Variants in SAP130 observed in about 807,000 individuals in gnomAD.
The protein encoded by SAP130 is Sin3A associated protein 130.
Under a neutral mutation model 103.2 loss-of-function variants are expected in SAP130, and 16 were observed. The ratio of observed to expected loss-of-function variants is 0.16; its 90% CI spans 0.10 to 0.24. SAP130 has a LOEUF of 0.24. Among genes scored for constraint, SAP130 ranks in the 10% least tolerant of loss-of-function variants. SAP130 has a pLI of 1.00. For synonymous variants in SAP130, 477 were observed against 497.0 expected (o/e 0.96, Z 0.53); for missense variants, 990 against 1,359.7 (o/e 0.73, Z 4.28).
intron 19 of SAP130, among the ~76,000 whole-genome samples, chr2:127,943,556 T>C (rs1037076289): frequency 6.6e-6 from 1 of 152,250 alleles, no homozygotes; most frequent in Non-Finnish European, 1.5e-5. Context: ...TACAAACATG[T>C]ACACCATGTT....
chr2:127,992,919 A>T (rs879871298), intron 12 of SAP130, among the ~76,000 whole-genome samples: 4 of 152,218 alleles, frequency 2.6e-5, no homozygotes, highest in Non-Finnish European at 4.4e-5. Context: ...TATTCATTGT[A>T]ACTACTGTCA....
intron 15 of SAP130, among the ~76,000 whole-genome samples, chr2:127,976,488 A>G (rs1344494676): frequency 1.3e-5 from 2 of 152,236 alleles, no homozygotes. Flanking sequence ...CAAGGCATTC[A>G]CAATTTTTTT....
chr2:127,950,167 C>T lies in SAP130; in HGVS notation c.2664G>A (p.Glu888=). The T allele has an allele frequency of 1.2e-6, 2 of 1,614,210 alleles. No homozygotes were observed. Among genetic ancestry groups the T allele is most frequent in the African/African-American group, 1.3e-5 (1 of 75,068 alleles). ...TCAGCCTGTGACCATTACCAATATA[C>T]TCCTTGGGAGGAGACTTGCGCTTCT... The part of the protein sequence containing the change: ...KAEKRKSPPK[E]YIDEEGVRYV... The change falls in exon 17 of 21, where the codon GAG becomes GAA. Residue 888 remains glutamate (E), a synonymous_variant. Coordinates refer to ENST00000643581, the MANE Select transcript of SAP130 (RefSeq NM_001330301.2).
In SAP130 at chr2:127,942,713, G is replaced by A. The variant is rs555084556; in HGVS notation, c.2902-176C>T. Among the ~76,000 whole-genome samples, 10 of 152,350 alleles carry A rather than the reference G, an allele frequency of 6.6e-5. No individual in the cohort carries two copies. Among genetic ancestry groups the A allele is most frequent in the Non-Finnish European group, 1.3e-4 (9 of 68,036 alleles). ...GGTTTAAAAACAGTAAAGGGGCTGG[G>A]CGCGGTGGCTCACGCCTATAATCCC... is the stretch of plus-strand genomic sequence containing the variant. On this transcript the variant is annotated intron_variant, in intron 19 of 20. Transcript: ENST00000643581. This position sits in a 1 kb window ranked among gnomAD's most constrained non-coding sequence, Gnocchi z 4.8.
intron 16 of SAP130, among the ~76,000 whole-genome samples, chr2:127,952,224 G>A (rs1335033713): frequency 6.6e-6 from 1 of 151,942 alleles, no homozygotes; most frequent in Non-Finnish European, 1.5e-5. Flanking sequence ...AGGCTGAGGC[G>A]GGCAGATCAT....
At chr2:128,007,327 C>A (rs983530238) in intron 7 of SAP130, among the ~76,000 whole-genome samples, 1 of 152,164 alleles carries the variant, frequency 6.6e-6, no homozygotes, top group Non-Finnish European at 1.5e-5. Flanking sequence ...CTCCAAGTAA[C>A]CTGGAGATGA....
chr2:127,968,342 C>G (rs540692349), intron 15 of SAP130, among the ~76,000 whole-genome samples: 1 of 151,134 alleles, frequency 6.6e-6, no homozygotes, highest in South Asian at 2.1e-4. Context: ...AACTCCTGGC[C>G]TTAGGTGATC....
intron 16 of SAP130, among the ~76,000 whole-genome samples, chr2:127,952,359 G>A (rs879449303): frequency 2.0e-5 from 3 of 151,160 alleles, no homozygotes; most frequent in Non-Finnish European, 4.4e-5. Context: ...GCTGAGGCAG[G>A]AGAATTGCTT....
chr2:128,013,205 A>G, intron 5 of SAP130, 51 bp from the exon 6 acceptor site: 2 of 1,503,916 alleles, frequency 1.3e-6, no homozygotes, highest in African/African-American at 1.4e-5. Flanking sequence ...ATTCCCTGGG[A>G]AAATAATCAG....
At chr2:128,027,586 C>A (rs1172551714) in intron 1 of SAP130, among the ~76,000 whole-genome samples, 1 of 151,578 alleles carries the variant, frequency 6.6e-6, no homozygotes, top group Non-Finnish European at 1.5e-5. Context: ...TGGAGAGTCA[C>A]TTTAAACTGC....
At position 127,942,626 on chromosome 2, in the gene SAP130, T is replaced by C. The variant is rs1678787143; in HGVS notation, c.2902-89A>G. 1 of 754,300 alleles carries C rather than the reference T, an allele frequency of 1.3e-6. No homozygotes were observed. Among genetic ancestry groups the C allele is most frequent in the Non-Finnish European group, 2.3e-6 (1 of 426,280 alleles). 46.7% of individuals were successfully genotyped at this position (754,300 alleles called of 1,614,324 possible). ...AAATGAACCCACCTTCAATCACCTT[T>C]GTAAACTGTCTAAGAGTTGTTTGGG... On this transcript the variant is annotated intron_variant, in intron 19 of 20. Transcript: ENST00000643581. This position sits in a 1 kb window ranked among gnomAD's most constrained non-coding sequence, Gnocchi z 4.8.
At position 127,989,290 on chromosome 2, in the gene SAP130, G is replaced by T. The variant is rs1384674784; in HGVS notation, c.1780+274C>A. 6.6e-6 allele frequency among the ~76,000 whole-genome samples: 1 copy of T among 151,834 alleles called. No individual in the cohort carries two copies. The highest frequency in any genetic ancestry group is 1.5e-5 in the Non-Finnish European group (1 of 67,954). On this transcript the variant is annotated intron_variant, in intron 13 of 20. Transcript: ENST00000643581. The surrounding 1 kb of genome is among the most constrained non-coding windows in gnomAD (Gnocchi z 4.6). ...ATTTTTTTGTATTTTTAGTAGACAG[G>T]GTTTTACCACGTTAGCCTGGATAGT... is the stretch of plus-strand genomic sequence containing the variant.
chr2:127,948,585 G>A (rs1455149664), intron 18 of SAP130, among the ~76,000 whole-genome samples: 3 of 150,856 alleles, frequency 2.0e-5, no homozygotes, highest in East Asian at 3.9e-4. Flanking sequence ...CCAGTGATCC[G>A]CCCGCCTCGG....
chr2:128,013,233 A>G, intron 5 of SAP130, 79 bp from the exon 6 acceptor site: 1 of 1,348,914 alleles, frequency 7.4e-7, no homozygotes, highest in Non-Finnish European at 9.9e-7. Context: ...CCCAAAACTC[A>G]GATAGCATGT....
At chr2:127,963,046 T>C (rs1413184237) in intron 15 of SAP130, among the ~76,000 whole-genome samples, 1 of 152,148 alleles carries the variant, frequency 6.6e-6, no homozygotes, top group Non-Finnish European at 1.5e-5. Context: ...TTCATTTTTC[T>C]ACTGGACTTA....
At chr2:127,975,632 A>C (rs991753917) in intron 15 of SAP130, among the ~76,000 whole-genome samples, 2 of 152,194 alleles carry the variant, frequency 1.3e-5, no homozygotes, top group Admixed American at 1.3e-4. Context: ...AGAAAATGGT[A>C]ATTAGGAAAA....
chr2:127,990,007 A>G (rs947983008), intron 12 of SAP130, 141 bp from the exon 13 acceptor site: 3 of 765,020 alleles, frequency 3.9e-6, no homozygotes, highest in African/African-American at 3.5e-5. Context: ...ATAAATAAAC[A>G]TTGTTACTTG....
At chr2:127,958,045 G>A (rs1427379406) in intron 15 of SAP130, among the ~76,000 whole-genome samples, 5 of 152,216 alleles carry the variant, frequency 3.3e-5, no homozygotes, top group African/African-American at 9.6e-5. Context: ...CAACCAACTG[G>A]TACAACAAAC....
intron 7 of SAP130, among the ~76,000 whole-genome samples, chr2:128,003,232 C>A (rs949229594): frequency 6.6e-6 from 1 of 151,358 alleles, no homozygotes; most frequent in Non-Finnish European, 1.5e-5. Flanking sequence ...TGAGGCTGGG[C>A]GCAGTGGCTC....
Sources: allele counts gnomAD v4.1 joint callset (sites outside exome capture counted in the v4.1 genomes callset), GRCh38; gene constraint gnomAD v4.1.1; non-coding constraint Gnocchi (gnomAD v3.1); transcripts MANE v1.5; gene names NCBI Gene and HGNC (gene_info 2026-07-23, HGNC 2026-07-21).